The following WHR1 variants were observed in gnomAD, a reference collection of about 807,000 sequenced individuals.
The protein encoded by WHR1 is MHC class III HLA-RP1.
chr6:31,978,767 TCA>T, the WHR1 span: 4 of 698,414 alleles, frequency 5.7e-6, no homozygotes, highest in East Asian at 8.2e-5. Context: ...GATTATTTTC[TCA>T]CACAGTTTTT....
chr6:31,977,267 GT>G, the WHR1 span, among the ~76,000 whole-genome samples: 1 of 151,146 alleles, frequency 6.6e-6, no homozygotes, highest in Admixed American at 6.6e-5. Context: ...TGCCTCCTGA[GT>G]TCAAGTGATT....
At chr6:31,981,044 A>G in the WHR1 span, 3 of 488,640 alleles carry the variant, frequency 6.1e-6, 1 homozygote, top group South Asian at 6.5e-5. Flanking sequence ...CCTGCCAGAG[A>G]CATGAAGATT....
the WHR1 span, chr6:31,980,430 C>T: frequency 1.9e-6 from 3 of 1,603,474 alleles, no homozygotes; most frequent in Non-Finnish European, 2.6e-6. Flanking sequence ...CTCATCTCTG[C>T]TGGCTTCCCA....
the WHR1 span, chr6:31,972,314 G>A: frequency 9.3e-6 from 15 of 1,613,136 alleles, no homozygotes; most frequent in Admixed American, 5.0e-5. The surrounding 1 kb of genome is among the most constrained non-coding windows in gnomAD (Gnocchi z 6.3). Context: ...GGGACGCCCG[G>A]GGAGACCGTA....
At chr6:31,979,786 T>C in the WHR1 span, 1 of 507,876 alleles carries the variant, frequency 2.0e-6, no homozygotes, top group South Asian at 2.8e-5. Flanking sequence ...TCTTGGTGGC[T>C]TATCAAAAGC....
the WHR1 span, chr6:31,971,414 A>C: frequency 4.4e-6 from 7 of 1,606,482 alleles, no homozygotes; most frequent in Non-Finnish European, 6.0e-6. This position sits in a 1 kb window ranked among gnomAD's most constrained non-coding sequence, Gnocchi z 4.5. Flanking sequence ...CGATCCGGGT[A>C]TCCGTCTCTG....
the WHR1 span, chr6:31,979,296 A>C: frequency 5.4e-6 from 7 of 1,286,290 alleles, no homozygotes; most frequent in Non-Finnish European, 7.5e-6. Context: ...GAAGAAGGGT[A>C]TGAGAGGTGG....
the WHR1 span, chr6:31,971,390 C>A: frequency 1.9e-6 from 3 of 1,589,006 alleles, no homozygotes; most frequent in African/African-American, 4.0e-5. This position sits in a 1 kb window ranked among gnomAD's most constrained non-coding sequence, Gnocchi z 4.5. Flanking sequence ...ACCTCCTCGT[C>A]CCGGGGCTGG....
chr6:31,974,240 G>A, the WHR1 span, among the ~76,000 whole-genome samples: 2 of 146,386 alleles, frequency 1.4e-5, no homozygotes, highest in Admixed American at 7.0e-5. Context: ...AGATAGCACC[G>A]CTGCACCCCA....
chr6:31,976,117 G>A, the WHR1 span, among the ~76,000 whole-genome samples: 8 of 145,240 alleles, frequency 5.5e-5, no homozygotes, highest in Admixed American at 1.4e-4. Flanking sequence ...CGGACGGGGC[G>A]GCTGGCTGCG....
At chr6:31,976,922 CAATCGCAGGCACT>C in the WHR1 span, among the ~76,000 whole-genome samples, 1 of 152,238 alleles carries the variant, frequency 6.6e-6, no homozygotes, top group Non-Finnish European at 1.5e-5. Context: ...CGCGCGCCTG[CAATCGCAGGCACT>C]CGGCAGGCTG....
At chr6:31,972,580 C>A in the WHR1 span, 1 of 1,595,224 alleles carries the variant, frequency 6.3e-7, no homozygotes, top group Non-Finnish European at 8.6e-7. This position sits in a 1 kb window ranked among gnomAD's most constrained non-coding sequence, Gnocchi z 6.3. Context: ...AACCGCGTCC[C>A]CGCCCCAGTT....
chr6:31,979,385 T>C, the WHR1 span: 2 of 1,612,182 alleles, frequency 1.2e-6, no homozygotes, highest in East Asian at 2.2e-5. Flanking sequence ...AGGGTGGGGA[T>C]GGACCATGTC....
At chr6:31,974,279 C>CAAAAA in the WHR1 span, among the ~76,000 whole-genome samples, 2 of 118,590 alleles carry the variant, frequency 1.7e-5, no homozygotes, top group Admixed American at 8.3e-5. Context: ...GACTTTGTCT[C>CAAAAA]AAAAAAAAAA....
the WHR1 span, chr6:31,980,559 T>C: frequency 6.2e-7 from 1 of 1,611,226 alleles, no homozygotes; most frequent in Non-Finnish European, 8.5e-7. Flanking sequence ...GTATCCCATC[T>C]GCAGCTCAAG....
chr6:31,977,764 G>A, the WHR1 span, among the ~76,000 whole-genome samples: 1 of 151,988 alleles, frequency 6.6e-6, no homozygotes, highest in Non-Finnish European at 1.5e-5. Flanking sequence ...TGGGATTACA[G>A]GCATGAGCCA....
At chr6:31,978,036 C>T in the WHR1 span, among the ~76,000 whole-genome samples, 2 of 151,884 alleles carry the variant, frequency 1.3e-5, no homozygotes, top group Admixed American at 6.6e-5. Flanking sequence ...GATCCACCCA[C>T]GTCAGCCTCC....
At chr6:31,972,387 C>T in the WHR1 span, 3 of 1,613,078 alleles carry the variant, frequency 1.9e-6, no homozygotes, top group Middle Eastern at 1.6e-4. The surrounding 1 kb of genome is among the most constrained non-coding windows in gnomAD (Gnocchi z 6.3). Flanking sequence ...CCTACCCCTT[C>T]CCCGGTACCA....
At chr6:31,977,300 T>C in the WHR1 span, among the ~76,000 whole-genome samples, 1 of 151,774 alleles carries the variant, frequency 6.6e-6, no homozygotes, top group African/African-American at 2.4e-5. Context: ...GCCTCCCAAG[T>C]AGCTGGCATT....
Sources: allele counts gnomAD v4.1 joint callset (sites outside exome capture counted in the v4.1 genomes callset), GRCh38; gene constraint gnomAD v4.1.1; non-coding constraint Gnocchi (gnomAD v3.1); transcripts MANE v1.5; gene names NCBI Gene and HGNC (gene_info 2026-07-23, HGNC 2026-07-21).